The following SYN3 variants were observed in gnomAD, a reference collection of about 807,000 sequenced individuals.
SYN3 encodes the protein synapsin-3.
Under a neutral mutation model 65.8 loss-of-function variants are expected in SYN3, and 35 were observed. The observed-to-expected ratio is 0.53, with a 90% confidence interval of 0.41 to 0.70. SYN3 has a LOEUF of 0.70. SYN3 is among the 30% of genes least tolerant of loss of function. The probability of loss-of-function intolerance (pLI) is 0.00; values close to 1 mark genes in which losing one functional copy is unlikely to be tolerated. For missense variants in SYN3, 680 were observed against 749.0 expected, an observed-to-expected ratio of 0.91 and a Z score of 1.08; for synonymous variants, 270 against 292.9, an observed-to-expected ratio of 0.92 and a Z score of 0.80.
intron 6 of SYN3, among the ~76,000 whole-genome samples, chr22:32,729,666 T>A (rs1047598860): frequency 2.0e-5 from 3 of 152,222 alleles, no homozygotes; most frequent in Non-Finnish European, 4.4e-5. Flanking sequence ...TGACTTGCAA[T>A]CTAATCTATT....
chr22:32,599,664 C>A (rs1165386239), intron 6 of SYN3, among the ~76,000 whole-genome samples: 1 of 152,152 alleles, frequency 6.6e-6, no homozygotes. Flanking sequence ...CTCTCTCCAT[C>A]AAGGCACACT....
At chr22:32,714,797 C>T (rs11089591) in intron 6 of SYN3, among the ~76,000 whole-genome samples, 19,511 of 152,156 alleles carry the variant, frequency 0.13, 2,020 homozygotes, top group East Asian at 0.59. Flanking sequence ...TTTGTTTCCT[C>T]ATTTACAAAA....
intron 6 of SYN3, among the ~76,000 whole-genome samples, chr22:32,789,695 AAAAATT>A (rs2046275494): frequency 6.6e-6 from 1 of 152,230 alleles, no homozygotes; most frequent in African/African-American, 2.4e-5. Context: ...AATTTAATCC[AAAAATT>A]TGTTGAGGAC....
At chr22:32,954,763 A>T (rs1313034201) in intron 3 of SYN3, among the ~76,000 whole-genome samples, 1 of 151,956 alleles carries the variant, frequency 6.6e-6, no homozygotes, top group African/African-American at 2.4e-5. Context: ...GGCACTGTGG[A>T]TTCTAATTCT....
At chr22:32,589,254 C>G (rs1286631403) in intron 7 of SYN3, among the ~76,000 whole-genome samples, 2 of 152,210 alleles carry the variant, frequency 1.3e-5, no homozygotes, top group Non-Finnish European at 2.9e-5. Flanking sequence ...GGCTTGCCTG[C>G]TCTGCATCAA....
chr22:32,915,126 G>A (rs2050154082), intron 4 of SYN3, among the ~76,000 whole-genome samples: 1 of 152,180 alleles, frequency 6.6e-6, no homozygotes, highest in African/African-American at 2.4e-5. Flanking sequence ...CTGCTGCAGG[G>A]TGGAGGTCTG....
chr22:32,699,202 C>T (rs2060778598), intron 6 of SYN3, among the ~76,000 whole-genome samples: 1 of 152,172 alleles, frequency 6.6e-6, no homozygotes, highest in Non-Finnish European at 1.5e-5. Context: ...CTCCACAGTG[C>T]CCCCACCATG....
At chr22:32,990,309 C>CATGA (rs571883306) in intron 2 of SYN3, among the ~76,000 whole-genome samples, 40 of 95,994 alleles carry the variant, frequency 4.2e-4, no homozygotes, top group East Asian at 1.4e-3. Flanking sequence ...TGAATCCATC[C>CATGA]ATCCATCCAT....
intron 6 of SYN3, among the ~76,000 whole-genome samples, chr22:32,745,419 A>G (rs111510522): frequency 3.5e-4 from 53 of 152,254 alleles, no homozygotes; most frequent in African/African-American, 1.2e-3. Flanking sequence ...TGGATGGCGG[A>G]CTGTCACTGA....
At position 32,611,273 on chromosome 22, in the gene SYN3, G is replaced by GTTTTTTT. The variant is rs1181036810; in HGVS notation, c.712-14544_712-14538dup. ...TTGAGAGCAGAGGGCTTCAGCTAGAGTTTTTTTTTTGTTTTTTTTTTTTTT... is the reference window on the plus strand; with the variant it reads ...TTGAGAGCAGAGGGCTTCAGCTAGAGTTTTTTTTTTTTTTTTTGTTTTTTTTTTTTTT... On this transcript the variant is annotated intron_variant, in intron 6 of 13. Coordinates refer to ENST00000358763, the MANE Select transcript of SYN3 (RefSeq NM_003490.4). 7.7e-5 allele frequency among the ~76,000 whole-genome samples: 9 copies of GTTTTTTT among 117,370 alleles called. 1 individual carries two copies. Among genetic ancestry groups the GTTTTTTT allele is most frequent in the East Asian group, 2.7e-4 (1 of 3,746 alleles). 77.0% of individuals were successfully genotyped at this position (117,370 alleles called of 152,430 possible). A position where few individuals can be genotyped will look rare whatever the true frequency, so the allele number is the denominator to read the frequency against.
intron 3 of SYN3, among the ~76,000 whole-genome samples, chr22:32,932,733 C>T (rs184702511): frequency 1.3e-5 from 2 of 152,252 alleles, no homozygotes; most frequent in East Asian, 3.9e-4. Context: ...TGACATGCTC[C>T]CTGGGATTTC....
chr22:32,751,447 A>T (rs13058513), intron 6 of SYN3, among the ~76,000 whole-genome samples: 1,846 of 152,196 alleles, frequency 0.012, 18 homozygotes, highest in Non-Finnish European at 0.02. Flanking sequence ...TTCCCCTGGG[A>T]TCTGGGGAGT....
At chr22:32,967,138 A>G (rs1234158039) in intron 3 of SYN3, among the ~76,000 whole-genome samples, 1 of 152,108 alleles carries the variant, frequency 6.6e-6, no homozygotes, top group Non-Finnish European at 1.5e-5. Context: ...ACACTTAGTA[A>G]GCATGTGATT....
chr22:32,973,048 G>T lies in SYN3; in HGVS notation c.369+7597C>A, dbSNP rs192693836. Among the ~76,000 whole-genome samples, 90 of 152,224 alleles carry T rather than the reference G, an allele frequency of 5.9e-4. 1 individual carries two copies. The highest frequency in any genetic ancestry group is 1.9e-3 in the African/African-American group (80 of 41,546). On this transcript the variant is annotated intron_variant, in intron 3 of 13. Coordinates refer to ENST00000358763, the MANE Select transcript of SYN3 (RefSeq NM_003490.4). ...ACAAAACAACAGCAACAACAAAAAA[G>T]AGCCCAGGCTCCTCATTCCTCAGTG...
intron 2 of SYN3, among the ~76,000 whole-genome samples, chr22:32,998,974 C>T (rs768153606): frequency 6.6e-6 from 1 of 152,048 alleles, no homozygotes; most frequent in Non-Finnish European, 1.5e-5. Flanking sequence ...CTTCAGACTC[C>T]ACTATGCCCA....
intron 4 of SYN3, among the ~76,000 whole-genome samples, chr22:32,870,318 T>C (rs1342995124): frequency 3.1e-5 from 4 of 130,064 alleles, no homozygotes; most frequent in African/African-American, 1.4e-4. Context: ...AATTGCTCCA[T>C]ACTTTCTTTT....
Position 32,988,307 on chromosome 22 carries a change from A to AATAATAAT in SYN3, c.312-7606_312-7605insATTATTAT, listed in dbSNP as rs2052590967. Among the ~76,000 whole-genome samples, 17 of 142,610 alleles carry AATAATAAT rather than the reference A, an allele frequency of 1.2e-4. No homozygotes were observed. In the South Asian group the frequency reaches 1.4e-3, roughly 11 times the overall value. The allele number at this position is 142,610 out of a possible 152,430, so 93.6% of individuals were successfully genotyped here. A position where few individuals can be genotyped will look rare whatever the true frequency, so the allele number is the denominator to read the frequency against. ...GGCAACAGAGCAAGACTCTGTCTCA[A>AATAATAAT]AATAATAATAATAATAATAATAATA... On this transcript the variant is annotated intron_variant, in intron 2 of 13. Coordinates refer to ENST00000358763, the MANE Select transcript of SYN3 (RefSeq NM_003490.4).
intron 4 of SYN3, among the ~76,000 whole-genome samples, chr22:32,888,003 GAC>G (rs974401713): frequency 6.6e-6 from 1 of 151,964 alleles, no homozygotes; most frequent in Non-Finnish European, 1.5e-5. Context: ...CAGCCTCAAC[GAC>G]AGTTTGTACT....
In SYN3 at chr22:32,737,918, G is replaced by A. The variant is rs180941281; in HGVS notation, c.711+126997C>T. 4.6e-5 allele frequency among the ~76,000 whole-genome samples: 7 copies of A among 152,262 alleles called. No individual in the cohort carries two copies. The East Asian group carries it at 5.8e-4, about 13-fold the overall frequency. Reference sequence around the variant, plus strand: ...GCCATGCTGATCATGGAGGCCATGCGCTCCAGAGGATGTGGTGGCCAGATG... The same window carrying A: ...GCCATGCTGATCATGGAGGCCATGCACTCCAGAGGATGTGGTGGCCAGATG... On this transcript the variant is annotated intron_variant, in intron 6 of 13. Transcript: ENST00000358763.
Sources: gnomAD v4.1 joint callset for allele counts (sites outside exome capture counted in the v4.1 genomes callset) on GRCh38, gnomAD v4.1.1 for gene constraint, MANE v1.5 for transcripts, NCBI Gene and HGNC (gene_info 2026-07-23, HGNC 2026-07-21) for gene names.